Variants in FARP2 observed in about 807,000 individuals in gnomAD.
The protein encoded by FARP2 is FERM, ARH/RhoGEF and pleckstrin domain protein 2.
A neutral mutation model predicts 130.5 loss-of-function variants in FARP2; 111 were observed. That is an observed-to-expected ratio of 0.85 (90% CI 0.73 to 1.00). FARP2 has a LOEUF of 1.00. Among genes scored for constraint, FARP2 ranks in the 50% least tolerant of loss-of-function variants. FARP2 has a pLI of 0.00. For synonymous variants in FARP2, 504 were observed against 516.9 expected (o/e 0.98, Z 0.34); for missense variants, 1,385 against 1,346.3 (o/e 1.03, Z -0.45).
rs752426987 is a variant in FARP2, at chr2:241,462,523, C to T, written c.1588C>T (p.Arg530Cys). ...GMDCEEPRHK[R>C]VPADEAYFIV... Reference sequence around the variant, plus strand: ...ACTTACAGCTCTCTGCTTCTTTCAGCGCGTGCCTGCAGACGAGGCCTACTT... The same window carrying T: ...ACTTACAGCTCTCTGCTTCTTTCAGTGCGTGCCTGCAGACGAGGCCTACTT... The change falls in exon 15 of 27, where the codon CGC becomes TGC. Residue 530 changes from arginine (R) to cysteine (C), a missense_variant and splice_region_variant. Arg to Cys is a radical substitution (Grantham distance 180). Transcript: ENST00000264042. 2.5e-6 allele frequency: 4 copies of T among 1,611,288 alleles called. No individual in the cohort carries two copies. The highest frequency in any genetic ancestry group is 1.3e-5 in the African/African-American group (1 of 74,974).
intron 5 of FARP2, among the ~76,000 whole-genome samples, chr2:241,409,366 A>G (rs914638447): frequency 5.3e-5 from 8 of 152,110 alleles, no homozygotes; most frequent in African/African-American, 1.9e-4. Context: ...CCTAGGCAAC[A>G]TGGGGAGACC....
intron 6 of FARP2, among the ~76,000 whole-genome samples, chr2:241,411,986 C>T (rs936814677): frequency 1.3e-5 from 2 of 152,070 alleles, no homozygotes; most frequent in Non-Finnish European, 2.9e-5. Context: ...CACATGGCAA[C>T]GAATGCAATG....
intron 1 of FARP2, among the ~76,000 whole-genome samples, chr2:241,364,443 A>G (rs1175258295): frequency 6.6e-6 from 1 of 152,224 alleles, no homozygotes; most frequent in Non-Finnish European, 1.5e-5. Context: ...GGTGAGTTAC[A>G]TTACACTCAA....
intron 7 of FARP2, among the ~76,000 whole-genome samples, chr2:241,415,002 A>C (rs1325248689): frequency 1.3e-5 from 2 of 152,224 alleles, no homozygotes; most frequent in East Asian, 3.8e-4. Flanking sequence ...AATTACGGAC[A>C]GCTCTTACGA....
At chr2:241,366,125 A>ATATATATATACATATATATATAAG in intron 1 of FARP2, among the ~76,000 whole-genome samples, 1 of 67,368 alleles carries the variant, frequency 1.5e-5, no homozygotes, top group Non-Finnish European at 2.8e-5. Context: ...ATATATACGT[A>ATATATATATACATATATATATAAG]TATATATATA....
intron 2 of FARP2, among the ~76,000 whole-genome samples, chr2:241,392,467 T>C (rs558801861): frequency 1.3e-5 from 2 of 152,310 alleles, no homozygotes; most frequent in South Asian, 4.1e-4. Context: ...TTGAGTAGTT[T>C]AAGAGAAACG....
In FARP2 at chr2:241,381,030, G is replaced by C. The variant is rs909424692; in HGVS notation, c.183+7740G>C. 6.6e-5 allele frequency among the ~76,000 whole-genome samples: 10 copies of C among 152,128 alleles called. No homozygotes were observed. The East Asian group carries it at 1.5e-3, about 23-fold the overall frequency. ...TACCCCCCTGATGGAATGTGGACAT[G>C]AGTCTCTTCCAGGGCTGGAGATTAC... On this transcript the variant is annotated intron_variant, in intron 2 of 26. Transcript: ENST00000264042.
At chr2:241,431,359 C>A (rs1574811138) in intron 8 of FARP2, among the ~76,000 whole-genome samples, 2 of 151,698 alleles carry the variant, frequency 1.3e-5, no homozygotes, top group Admixed American at 1.3e-4. Context: ...TCTGTAGTCC[C>A]AGCTGCTCCA....
chr2:241,491,391 A>G, intron 23 of FARP2, 125 bp from the exon 24 acceptor site: 1 of 1,084,434 alleles, frequency 9.2e-7, no homozygotes, highest in African/African-American at 1.6e-5. Flanking sequence ...CTCAGCCAGC[A>G]GCTGGCCTAG....
intron 10 of FARP2, 63 bp downstream of exon 10, chr2:241,434,384 A>C: frequency 8.2e-7 from 1 of 1,214,064 alleles, no homozygotes; most frequent in Non-Finnish European, 1.1e-6. Context: ...GAAAATAGGT[A>C]ATTCCTAGTC....
intron 8 of FARP2, among the ~76,000 whole-genome samples, chr2:241,430,256 C>A (rs551658633): frequency 6.6e-6 from 1 of 152,322 alleles, no homozygotes; most frequent in South Asian, 2.1e-4. Context: ...CACTTCTTTG[C>A]TTTCTTACAG....
chr2:241,466,931 A>G (rs2064187861), intron 17 of FARP2, among the ~76,000 whole-genome samples: 1 of 151,486 alleles, frequency 6.6e-6, no homozygotes, highest in Non-Finnish European at 1.5e-5. Flanking sequence ...CAGTGGACCA[A>G]ATAAAAGTGT....
chr2:241,364,897 C>T (rs926376912), intron 1 of FARP2, among the ~76,000 whole-genome samples: 1 of 152,120 alleles, frequency 6.6e-6, no homozygotes, highest in African/African-American at 2.4e-5. Context: ...TAAATATAGT[C>T]TTATGTTTTT....
intron 9 of FARP2, 93 bp from the exon 10 acceptor site, chr2:241,434,065 G>T: frequency 1.0e-6 from 1 of 973,150 alleles, no homozygotes; most frequent in Non-Finnish European, 1.5e-6. Context: ...TTTAATTTTG[G>T]AATTCCCTAT....
chr2:241,389,734 TTAAA>T (rs1311076923), intron 2 of FARP2, among the ~76,000 whole-genome samples: 2 of 152,272 alleles, frequency 1.3e-5, no homozygotes, highest in African/African-American at 4.8e-5. Context: ...AGTTGCTTTA[TTAAA>T]TAGTTTTTAA....
At chr2:241,443,337 C>A (rs1182909421) in intron 13 of FARP2, 2 of 149,762 alleles carry the variant, frequency 1.3e-5, no homozygotes, top group Non-Finnish European at 3.0e-5. Context: ...AGATAGTGGT[C>A]TTGGAGAGGC....
rs2064432609 is a variant in FARP2 at position 241,475,421 on chromosome 2, A to C, written c.2132-436A>C. 6.6e-6 allele frequency among the ~76,000 whole-genome samples: 1 copy of C among 152,180 alleles called. No homozygotes were observed. Among genetic ancestry groups the C allele is most frequent in the South Asian group, 2.1e-4 (1 of 4,826 alleles). ...GAACCAGGCCACACGGCAGGAGGTG[A>C]GTGGCGGGCAAGTGAAGCTTCTCTG... is the stretch of plus-strand genomic sequence containing the variant. On this transcript the variant is annotated intron_variant, in intron 18 of 26. Coordinates refer to ENST00000264042, the MANE Select transcript of FARP2 (RefSeq NM_014808.4). This position sits in a 1 kb window ranked among gnomAD's most constrained non-coding sequence, Gnocchi z 4.4.
Position 241,494,784 on chromosome 2 carries a change from T to C in FARP2, c.*659T>C, listed in dbSNP as rs1357427357. On this transcript the variant is annotated 3_prime_UTR_variant, in exon 27 of 27. Coordinates refer to ENST00000264042, the MANE Select transcript of FARP2 (RefSeq NM_014808.4). This position sits in a 1 kb window ranked among gnomAD's most constrained non-coding sequence, Gnocchi z 4.9. Reference sequence around the variant, plus strand: ...AGCATTCCTTCCAACGGGAAGTAGATGGGCGACTGCTTTGTTCACACACAT... The same window carrying C: ...AGCATTCCTTCCAACGGGAAGTAGACGGGCGACTGCTTTGTTCACACACAT... The C allele has an allele frequency of 6.6e-6, 1 of 152,244 alleles. No homozygotes were observed. Among genetic ancestry groups the C allele is most frequent in the African/African-American group, 2.4e-5 (1 of 41,456 alleles). The allele number at this position is 152,244 out of a possible 1,614,324, so 9.4% of individuals were successfully genotyped here.
At chr2:241,400,094 C>T (rs1017142441) in intron 2 of FARP2, among the ~76,000 whole-genome samples, 4 of 152,184 alleles carry the variant, frequency 2.6e-5, no homozygotes, top group Admixed American at 1.3e-4. Context: ...TAGTGTCTAT[C>T]GCCTTCATTA....
Sources: gnomAD v4.1 joint callset for allele counts (sites outside exome capture counted in the v4.1 genomes callset) on GRCh38, gnomAD v4.1.1 for gene constraint, Gnocchi (gnomAD v3.1) non-coding constraint, MANE v1.5 for transcripts, NCBI Gene and HGNC (gene_info 2026-07-23, HGNC 2026-07-21) for gene names.